CNTNAP5: variants seen among roughly 807,000 people sequenced by gnomAD.
CNTNAP5 encodes the protein contactin associated protein family member 5.
In CNTNAP5, 72 loss-of-function variants were observed where a neutral mutation model predicts 150.2. That is an observed-to-expected ratio of 0.48 (90% confidence interval 0.40 to 0.58). The LOEUF (loss-of-function observed/expected upper bound fraction) is 0.58, where lower values mean the gene tolerates loss of function less well. CNTNAP5 is among the 20% of genes least tolerant of loss of function. CNTNAP5 has a pLI of 0.00. For missense variants in CNTNAP5, 1,636 were observed against 1,626.2 expected, an observed-to-expected ratio of 1.01 and a Z score of -0.10; for synonymous variants, 672 against 619.8, an observed-to-expected ratio of 1.08 and a Z score of -1.25.
chr2:124,811,947 AAT>A (rs200898522), intron 19 of CNTNAP5, among the ~76,000 whole-genome samples: 4 of 115,866 alleles, frequency 3.5e-5, no homozygotes, highest in Admixed American at 1.3e-4. Context: ...CATCTCAAAA[AAT>A]ATATATATAT....
chr2:124,151,756 T>A (rs1375792706), intron 1 of CNTNAP5, among the ~76,000 whole-genome samples: 2 of 152,194 alleles, frequency 1.3e-5, no homozygotes, highest in African/African-American at 4.8e-5. Context: ...AGATAATCCC[T>A]GTTTATCCTT....
chr2:124,462,232 G>A (rs886483027), intron 6 of CNTNAP5, among the ~76,000 whole-genome samples: 1 of 152,122 alleles, frequency 6.6e-6, no homozygotes, highest in African/African-American at 2.4e-5. Flanking sequence ...TCTGAGGAGA[G>A]AAAATCAATG....
chr2:124,470,841 T>C (rs1322636762), intron 6 of CNTNAP5, among the ~76,000 whole-genome samples: 1 of 152,156 alleles, frequency 6.6e-6, no homozygotes, highest in Non-Finnish European at 1.5e-5. Flanking sequence ...TTCCCATTGC[T>C]TATTTTTGTC....
At chr2:124,115,075 A>G (rs1683391769) in intron 1 of CNTNAP5, among the ~76,000 whole-genome samples, 1 of 152,088 alleles carries the variant, frequency 6.6e-6, no homozygotes, top group Admixed American at 6.6e-5. Context: ...TTAGCATATT[A>G]TTATGTCATG....
chr2:124,827,507 A>G (rs1340919339), intron 19 of CNTNAP5, among the ~76,000 whole-genome samples: 2 of 152,170 alleles, frequency 1.3e-5, no homozygotes, highest in Admixed American at 6.5e-5. Flanking sequence ...GTGAACTGAG[A>G]CATCCTTCTT....
chr2:124,224,134 T>C (rs955838726), intron 2 of CNTNAP5, among the ~76,000 whole-genome samples: 1 of 152,072 alleles, frequency 6.6e-6, no homozygotes, highest in East Asian at 1.9e-4. Flanking sequence ...CAAGCAAGGA[T>C]ATTGATAAAG....
At chr2:124,845,687 A>AT (rs1190496777) in intron 19 of CNTNAP5, among the ~76,000 whole-genome samples, 2 of 151,860 alleles carry the variant, frequency 1.3e-5, no homozygotes, top group Admixed American at 6.6e-5. Flanking sequence ...CTGTTCAGAG[A>AT]TTTTATACCT....
chr2:124,225,130 C>T lies in CNTNAP5; in HGVS notation c.187+3321C>T, dbSNP rs566541704. Among the ~76,000 whole-genome samples, 9 of 152,242 alleles carry T rather than the reference C, an allele frequency of 5.9e-5. No homozygotes were observed. The South Asian group carries it at 1.9e-3, about 32-fold the overall frequency. The stretch of plus-strand genomic sequence containing the variant: ...TTGTGTGCCTAAGAATTACACCCTC[C>T]CTCTTCCCCTGGTTGTAAGCTGATG... On this transcript the variant is annotated intron_variant, in intron 2 of 23. Coordinates refer to ENST00000682447, the MANE Select transcript of CNTNAP5 (RefSeq NM_001367498.1).
chr2:124,387,461 A>G (rs1690958733), intron 3 of CNTNAP5, among the ~76,000 whole-genome samples: 1 of 152,178 alleles, frequency 6.6e-6, no homozygotes, highest in Non-Finnish European at 1.5e-5. Flanking sequence ...CCGAAAAGAG[A>G]GTCAGCGAAG....
At chr2:124,741,580 T>C (rs1680498294) in intron 13 of CNTNAP5, among the ~76,000 whole-genome samples, 1 of 152,098 alleles carries the variant, frequency 6.6e-6, no homozygotes, top group African/African-American at 2.4e-5. Flanking sequence ...GTTTAGGTCT[T>C]CTATAAAACA....
At chr2:124,301,246 A>C (rs993909484) in intron 3 of CNTNAP5, among the ~76,000 whole-genome samples, 1 of 152,186 alleles carries the variant, frequency 6.6e-6, no homozygotes, top group African/African-American at 2.4e-5. Context: ...CATCTCCAAA[A>C]ACCGGACAGC....
chr2:124,242,076 AG>A (rs2104768064), intron 2 of CNTNAP5, 123 bp from the exon 3 acceptor site: 1 of 657,786 alleles, frequency 1.5e-6, no homozygotes, highest in East Asian at 2.8e-5. Context: ...AGGGAAGAGT[AG>A]GGCCCATTTG....
At chr2:124,046,433 G>GAGA (rs376445841) in intron 1 of CNTNAP5, among the ~76,000 whole-genome samples, 32,668 of 134,504 alleles carry the variant, frequency 0.24, 4,437 homozygotes, top group Admixed American at 0.35. Flanking sequence ...ACAAAAGAGA[G>GAGA]AAAAAAAAAA....
intron 3 of CNTNAP5, among the ~76,000 whole-genome samples, chr2:124,269,801 G>A (rs974874956): frequency 6.6e-6 from 1 of 152,110 alleles, no homozygotes; most frequent in African/African-American, 2.4e-5. Flanking sequence ...TAAAAAAGAA[G>A]TCTCAAGATT....
At chr2:124,786,028 C>A (rs116515573) in intron 17 of CNTNAP5, among the ~76,000 whole-genome samples, 1,774 of 151,894 alleles carry the variant, frequency 0.012, 37 homozygotes, top group African/African-American at 0.041. Context: ...TCGAGCTCAG[C>A]GTTTTGAGAT....
At chr2:124,883,772 A>T (rs1420503231) in intron 21 of CNTNAP5, among the ~76,000 whole-genome samples, 1 of 152,042 alleles carries the variant, frequency 6.6e-6, no homozygotes, top group East Asian at 1.9e-4. Context: ...ATGCTTGCAT[A>T]TGTCCATGTG....
chr2:124,509,787 G>A (rs1478028955), intron 8 of CNTNAP5, among the ~76,000 whole-genome samples: 1 of 151,944 alleles, frequency 6.6e-6, no homozygotes, highest in Admixed American at 6.6e-5. Flanking sequence ...AAGGAAAGTG[G>A]CTATTTAGGT....
At chr2:124,149,460 T>G (rs1392109232) in intron 1 of CNTNAP5, among the ~76,000 whole-genome samples, 2 of 147,216 alleles carry the variant, frequency 1.4e-5, no homozygotes, top group Non-Finnish European at 3.0e-5. Context: ...TGAGATCAGT[T>G]GAAATGGGGG....
At chr2:124,903,628 GCA>G (rs1451100566) in intron 22 of CNTNAP5, among the ~76,000 whole-genome samples, 2 of 152,100 alleles carry the variant, frequency 1.3e-5, no homozygotes, top group Non-Finnish European at 2.9e-5. Context: ...ACACATCACT[GCA>G]CAGTTACCCT....
Sources: allele counts gnomAD v4.1 joint callset (sites outside exome capture counted in the v4.1 genomes callset), GRCh38; gene constraint gnomAD v4.1.1; transcripts MANE v1.5; gene names NCBI Gene and HGNC (gene_info 2026-07-23, HGNC 2026-07-21).